The following PRSS12 variants were observed in gnomAD, a reference collection of about 807,000 sequenced individuals.
The protein encoded by PRSS12 is neurotrypsin.
PRSS12 carries 85 observed loss-of-function variants against 104.4 expected under a neutral mutation model. The ratio of observed to expected loss-of-function variants is 0.81; its 90% CI spans 0.68 to 0.98. The LOEUF (loss-of-function observed/expected upper bound fraction) is 0.98, where lower values mean the gene tolerates loss of function less well. Ranked by LOEUF, PRSS12 falls within the 50% of genes least tolerant of loss-of-function variation. PRSS12 has a pLI of 0.00. For synonymous variants in PRSS12, 454 were observed against 425.2 expected (o/e 1.07, Z -0.83); for missense variants, 1,141 against 1,139.2 (o/e 1.00, Z -0.02).
chr4:118,345,509 G>A (rs1050803753), intron 1 of PRSS12, among the ~76,000 whole-genome samples: 1 of 152,048 alleles, frequency 6.6e-6, no homozygotes, highest in Non-Finnish European at 1.5e-5. Context: ...TCAAAGGACT[G>A]CTTTCTTTAA....
chr4:118,292,761 G>A (rs764032367), intron 11 of PRSS12, among the ~76,000 whole-genome samples: 1 of 152,030 alleles, frequency 6.6e-6, no homozygotes, highest in Non-Finnish European at 1.5e-5. Context: ...TAAAATACAG[G>A]TTTGATCAGG....
intron 2 of PRSS12, among the ~76,000 whole-genome samples, chr4:118,337,238 A>G (rs1724084935): frequency 6.6e-6 from 1 of 152,216 alleles, no homozygotes; most frequent in Non-Finnish European, 1.5e-5. Flanking sequence ...TGCAAACTGC[A>G]AACCTCTTTT....
rs1270092795 is a variant in PRSS12 at position 118,281,746 on chromosome 4, A to G, written c.*190T>C. 1.8e-5 allele frequency: 11 copies of G among 614,692 alleles called. No homozygotes were observed. Among genetic ancestry groups the G allele is most frequent in the Non-Finnish European group, 2.9e-5 (10 of 343,420 alleles). 38.1% of individuals were successfully genotyped at this position (614,692 alleles called of 1,614,324 possible). A position where few individuals can be genotyped will look rare whatever the true frequency, so the allele number is the denominator to read the frequency against. On this transcript the variant is annotated 3_prime_UTR_variant, in exon 13 of 13. Transcript: ENST00000296498. Reference sequence around the variant, plus strand: ...AGAAAATGTTCATTTAAGGATTATCACTTCCACTACACTGAGGCCTCTGAA... The same window carrying G: ...AGAAAATGTTCATTTAAGGATTATCGCTTCCACTACACTGAGGCCTCTGAA...
chr4:118,308,705 A>T (rs1278949415), intron 7 of PRSS12, 128 bp from the exon 8 acceptor site: 6 of 1,276,216 alleles, frequency 4.7e-6, no homozygotes, highest in Non-Finnish European at 6.7e-6. Context: ...TACTTTTTTG[A>T]GAGAGAGGAG....
intron 11 of PRSS12, 70 bp from the exon 12 acceptor site, chr4:118,283,181 A>C: frequency 6.4e-7 from 1 of 1,553,650 alleles, no homozygotes; most frequent in Non-Finnish European, 8.9e-7. Context: ...AAGGAAGACT[A>C]ATGAAGATAC....
Position 118,352,401 on chromosome 4 carries a change from G to T in PRSS12, c.320C>A (p.Ala107Asp). 3 of 1,540,816 alleles carry T rather than the reference G, an allele frequency of 1.9e-6. No individual in the cohort carries two copies. The highest frequency in any genetic ancestry group is 2.6e-6 in the Non-Finnish European group (3 of 1,148,244). The change falls in exon 1 of 13, where the codon GCC becomes GAC. Residue 107 changes from alanine (A) to aspartate (D), a missense_variant. Coordinates refer to ENST00000296498, the MANE Select transcript of PRSS12 (RefSeq NM_003619.4). ...EPWVSVTDFG[A>D]PCLRWAEVPP... ...CACCTCCGCCCACCGCAGACACGGG[G>T]CGCCGAAGTCCGTCACGCTGACCCA...
chr4:118,325,797 A>C (rs567592098), intron 4 of PRSS12, among the ~76,000 whole-genome samples: 25 of 152,102 alleles, frequency 1.6e-4, no homozygotes, highest in Admixed American at 5.2e-4. Context: ...TAAAAGCTCT[A>C]GTGTTGTCTA....
intron 11 of PRSS12, among the ~76,000 whole-genome samples, chr4:118,288,625 T>C (rs948563222): frequency 6.6e-6 from 1 of 152,226 alleles, no homozygotes; most frequent in Admixed American, 6.5e-5. Context: ...TCAGGTACAT[T>C]TATTCCTGCA....
chr4:118,320,852 G>A (rs1024293741), intron 4 of PRSS12, among the ~76,000 whole-genome samples: 1 of 152,146 alleles, frequency 6.6e-6, no homozygotes, highest in Non-Finnish European at 1.5e-5. Flanking sequence ...CAAAGAGTGT[G>A]CCAAACTCAA....
At chr4:118,302,589 G>A (rs1300193293) in intron 8 of PRSS12, among the ~76,000 whole-genome samples, 1 of 152,124 alleles carries the variant, frequency 6.6e-6, no homozygotes, top group East Asian at 1.9e-4. Context: ...ACCACAGCTG[G>A]CTAATTTTTG....
At chr4:118,291,882 G>A (rs2126027398) in intron 11 of PRSS12, among the ~76,000 whole-genome samples, 1 of 152,096 alleles carries the variant, frequency 6.6e-6, no homozygotes, top group South Asian at 2.1e-4. Flanking sequence ...CAAATTTCCT[G>A]GAACTAAAGG....
chr4:118,330,298 C>T (rs375031364), intron 4 of PRSS12, among the ~76,000 whole-genome samples: 3 of 152,226 alleles, frequency 2.0e-5, no homozygotes, highest in South Asian at 4.1e-4. Flanking sequence ...GAATACATTA[C>T]CTGTGATGAT....
chr4:118,315,447 G>C (rs971021187), intron 6 of PRSS12, among the ~76,000 whole-genome samples: 2 of 152,074 alleles, frequency 1.3e-5, no homozygotes, highest in African/African-American at 4.8e-5. Context: ...TCTTCAGTCA[G>C]CTCTAATCAA....
rs189034594 is a variant in PRSS12, at chr4:118,318,324, G to A, written c.1150+54C>T. 2.0e-5 allele frequency: 31 copies of A among 1,554,512 alleles called. No homozygotes were observed. In the East Asian group the frequency reaches 6.8e-4, roughly 34 times the overall value. On this transcript the variant is annotated intron_variant, in intron 5 of 12. Transcript: ENST00000296498. ...TTAAGGAGAAGGGAAGCTGTGGCAG[G>A]CCGACATGGTACTGGGGGCAAGAAC...
At chr4:118,329,553 T>C (rs1723865842) in intron 4 of PRSS12, among the ~76,000 whole-genome samples, 1 of 152,218 alleles carries the variant, frequency 6.6e-6, no homozygotes, top group Admixed American at 6.5e-5. Context: ...AGTTCATAGA[T>C]ACAGCTAACT....
chr4:118,283,029 C>G lies in PRSS12; in HGVS notation c.2122G>C (p.Gly708Arg), dbSNP rs746262388. ...CGATGAATCACAATCTGTTGAACTC[C>G]AATTTCTTCCTCAAACTCCTCTGGT... is the stretch of plus-strand genomic sequence containing the variant. ...LVPEEFEEEIGVQQIVIHREY... is the reference protein window; with the variant it reads ...LVPEEFEEEIRVQQIVIHREY... Residue 708 changes from glycine to arginine, a missense_variant, in exon 12 of 13, where the codon GGA (glycine) becomes CGA (arginine). By Grantham distance (125) the Gly-to-Arg change is moderately radical. Coordinates refer to ENST00000296498, the MANE Select transcript of PRSS12 (RefSeq NM_003619.4). 15 of 1,614,014 alleles carry G rather than the reference C, an allele frequency of 9.3e-6. No individual in the cohort carries two copies. The highest frequency in any genetic ancestry group is 1.3e-5 in the Non-Finnish European group (15 of 1,180,034).
At chr4:118,346,224 C>G (rs539730543) in intron 1 of PRSS12, among the ~76,000 whole-genome samples, 1 of 152,042 alleles carries the variant, frequency 6.6e-6, no homozygotes, top group Non-Finnish European at 1.5e-5. Flanking sequence ...TGGAGTCTGC[C>G]CATCACATGG....
chr4:118,307,629 A>G (rs1743589353), intron 8 of PRSS12, among the ~76,000 whole-genome samples: 1 of 152,210 alleles, frequency 6.6e-6, no homozygotes, highest in Admixed American at 6.5e-5. Context: ...GTAAAATTTT[A>G]AATTACCCAG....
chr4:118,352,313 GT>G lies in PRSS12; in HGVS notation c.407del (p.Asn136ThrfsTer83). ...CCGCGCCGTCGGGGCTCCGACAAAA[GT>G]TGTGGCGCTGTCCTCGCAGCTGAGC... ...SWAQLRGQRH[N>X]FCRSPDGAGR... On this transcript the variant is annotated frameshift_variant, in exon 1 of 13. Transcript: ENST00000296498. LOFTEE classifies it high-confidence loss of function. The G allele has an allele frequency of 7.5e-6, 12 of 1,598,392 alleles. No individual in the cohort carries two copies. Among genetic ancestry groups the G allele is most frequent in the Non-Finnish European group, 1.0e-5 (12 of 1,175,400 alleles).
Sources: gnomAD v4.1 joint callset for allele counts (sites outside exome capture counted in the v4.1 genomes callset) on GRCh38, gnomAD v4.1.1 for gene constraint, MANE v1.5 for transcripts, NCBI Gene and HGNC (gene_info 2026-07-23, HGNC 2026-07-21) for gene names.